The following DOK6 variants were observed in gnomAD, a reference collection of about 807,000 sequenced individuals.
DOK6 encodes downstream of tyrosine kinase 6.
In DOK6, 22 loss-of-function variants were observed where a neutral mutation model predicts 44.0. The ratio of observed to expected loss-of-function variants is 0.50; its 90% CI spans 0.36 to 0.71. The LOEUF is 0.71. Among genes scored for constraint, DOK6 ranks in the 30% least tolerant of loss-of-function variants. The pLI is 0.00. For synonymous variants in DOK6, 166 were observed against 145.5 expected (o/e 1.14, Z -1.01); for missense variants, 340 against 416.4 (o/e 0.82, Z 1.60).
chr18:69,756,034 A>C (rs931467438), intron 6 of DOK6, among the ~76,000 whole-genome samples: 1 of 152,150 alleles, frequency 6.6e-6, no homozygotes, highest in African/African-American at 2.4e-5. Context: ...TCCAGTGCAC[A>C]TGTGGGCCCT....
intron 3 of DOK6, among the ~76,000 whole-genome samples, chr18:69,610,590 A>G (rs535596887): frequency 1.3e-5 from 2 of 152,304 alleles, no homozygotes; most frequent in African/African-American, 4.8e-5. Flanking sequence ...CAACCACCCA[A>G]GAAGTATATA....
At chr18:69,475,821 T>G (rs1980244369) in intron 1 of DOK6, among the ~76,000 whole-genome samples, 1 of 152,254 alleles carries the variant, frequency 6.6e-6, no homozygotes, top group Admixed American at 6.5e-5. Context: ...TTTCCAGTTT[T>G]ACTAAACACA....
At chr18:69,649,014 A>G (rs868583259) in intron 3 of DOK6, among the ~76,000 whole-genome samples, 1 of 152,170 alleles carries the variant, frequency 6.6e-6, no homozygotes, top group Non-Finnish European at 1.5e-5. Context: ...TAGCATCCAT[A>G]TGGCATATTC....
intron 3 of DOK6, chr18:69,663,508 C>G (rs1985581583): frequency 6.6e-6 from 1 of 151,750 alleles, no homozygotes; most frequent in African/African-American, 2.4e-5. Flanking sequence ...AAAATGGGCC[C>G]CAATGACAGA....
intron 1 of DOK6, among the ~76,000 whole-genome samples, chr18:69,564,037 T>G (rs1982908480): frequency 6.6e-6 from 1 of 152,244 alleles, no homozygotes; most frequent in Admixed American, 6.5e-5. Flanking sequence ...TCAAAATTAC[T>G]AATGAACATC....
chr18:69,521,765 T>C (rs1981693693), intron 1 of DOK6, among the ~76,000 whole-genome samples: 1 of 151,950 alleles, frequency 6.6e-6, no homozygotes, highest in South Asian at 2.1e-4. Flanking sequence ...GTAGAGTGAC[T>C]ATAGGTAATA....
chr18:69,485,895 G>T (rs1028185483), intron 1 of DOK6, among the ~76,000 whole-genome samples: 5 of 148,704 alleles, frequency 3.4e-5, no homozygotes, highest in Non-Finnish European at 7.4e-5. Flanking sequence ...GTGTGTGTGT[G>T]TGTGTGTGTG....
At chr18:69,737,275 A>G (rs1316286902) in intron 5 of DOK6, among the ~76,000 whole-genome samples, 5 of 152,228 alleles carry the variant, frequency 3.3e-5, no homozygotes, top group Admixed American at 3.3e-4. Flanking sequence ...CCATCATGGC[A>G]GAAGGTGAAA....
chr18:69,572,627 G>A (rs920759343), intron 2 of DOK6, among the ~76,000 whole-genome samples: 23 of 151,922 alleles, frequency 1.5e-4, no homozygotes, highest in African/African-American at 4.1e-4. Flanking sequence ...GCAATCCAAC[G>A]TTTGGAAGAC....
intron 3 of DOK6, among the ~76,000 whole-genome samples, chr18:69,601,079 G>A (rs571691841): frequency 7.2e-5 from 11 of 152,118 alleles, no homozygotes; most frequent in Non-Finnish European, 1.5e-4. Context: ...ATATTATAAA[G>A]CTTACAAGAT....
At chr18:69,613,899 A>G (rs965460774) in intron 3 of DOK6, among the ~76,000 whole-genome samples, 2 of 151,290 alleles carry the variant, frequency 1.3e-5, no homozygotes, top group African/African-American at 4.8e-5. Flanking sequence ...AATTGTAAAA[A>G]TGAATTTGGG....
At chr18:69,466,582 A>T (rs1440990231) in intron 1 of DOK6, among the ~76,000 whole-genome samples, 1 of 152,114 alleles carries the variant, frequency 6.6e-6, no homozygotes, top group Admixed American at 6.6e-5. Context: ...TTTTTGAGGA[A>T]CATTCAAACT....
chr18:69,633,566 AG>A (rs1322970428), intron 3 of DOK6, among the ~76,000 whole-genome samples: 1 of 152,152 alleles, frequency 6.6e-6, no homozygotes, highest in Non-Finnish European at 1.5e-5. Context: ...TTTTTATTGA[AG>A]GGGGATTTCA....
chr18:69,627,663 A>G (rs1433040868), intron 3 of DOK6, among the ~76,000 whole-genome samples: 1 of 151,874 alleles, frequency 6.6e-6, no homozygotes, highest in African/African-American at 2.4e-5. Flanking sequence ...GTTAGCCAGG[A>G]TGGTCTCGAT....
At chr18:69,782,330 G>A (rs575396472) in intron 7 of DOK6, among the ~76,000 whole-genome samples, 20 of 150,738 alleles carry the variant, frequency 1.3e-4, no homozygotes, top group African/African-American at 4.4e-4. Context: ...TCCTCCCTCA[G>A]CCTCCTGAGT....
intron 7 of DOK6, among the ~76,000 whole-genome samples, chr18:69,838,697 T>C (rs532923613): frequency 1.8e-4 from 27 of 152,074 alleles, no homozygotes; most frequent in African/African-American, 6.3e-4. Flanking sequence ...AGGCAACATA[T>C]ATACCTGGTG....
intron 2 of DOK6, among the ~76,000 whole-genome samples, chr18:69,580,750 A>G (rs1983349334): frequency 6.6e-6 from 1 of 152,112 alleles, no homozygotes; most frequent in African/African-American, 2.4e-5. Flanking sequence ...TAGTCACCTT[A>G]TGGTGCCAGA....
chr18:69,685,548 T>C (rs4405644), intron 4 of DOK6, among the ~76,000 whole-genome samples: 57,228 of 151,992 alleles, frequency 0.38, 11,039 homozygotes, highest in Middle Eastern at 0.45. Flanking sequence ...ACATTCACAT[T>C]GGGTGCACAT....
At chr18:69,624,990 A>G (rs1380827580) in intron 3 of DOK6, among the ~76,000 whole-genome samples, 1 of 152,126 alleles carries the variant, frequency 6.6e-6, no homozygotes, top group African/African-American at 2.4e-5. Flanking sequence ...AAGTATCACT[A>G]TGAAAGTATT....
Sources: allele counts gnomAD v4.1 joint callset (sites outside exome capture counted in the v4.1 genomes callset), GRCh38; gene constraint gnomAD v4.1.1; transcripts MANE v1.5; gene names NCBI Gene and HGNC (gene_info 2026-07-23, HGNC 2026-07-21).